ADGRB1: variants seen among roughly 807,000 people sequenced by gnomAD.
ADGRB1 encodes adhesion G protein-coupled receptor B1, also known as brain-specific angiogenesis inhibitor 1.
In ADGRB1, 36 loss-of-function variants were observed where a neutral mutation model predicts 175.7. The ratio of observed to expected loss-of-function variants is 0.20; its 90% CI spans 0.16 to 0.27. The LOEUF is 0.27. Ranked by LOEUF, ADGRB1 falls within the 10% of genes least tolerant of loss-of-function variation. ADGRB1 has a pLI of 1.00. For synonymous variants in ADGRB1, 1,054 were observed against 979.4 expected (o/e 1.08, Z -1.42); for missense variants, 1,731 against 2,255.3 (o/e 0.77, Z 4.71).
At position 142,544,292 on chromosome 8, in the gene ADGRB1, G is replaced by T; in HGVS notation, c.4630G>T (p.Val1544Leu). ...GAAAGCCCACGGGACGCCCACGTGGGTGAAGAAGGAGCTGGAGCCGCTGCA... is the reference window on the plus strand; with the variant it reads ...GAAAGCCCACGGGACGCCCACGTGGTTGAAGAAGGAGCTGGAGCCGCTGCA... ...LRKAHGTPTW[V>L]KKELEPLQPS... The change falls in exon 31 of 31, where the codon GTG becomes TTG. Residue 1544 changes from valine to leucine, a missense_variant. Physicochemically the swap from Val to Leu is conservative, Grantham distance 32. Around this residue, in one of 8 missense-constraint regions of ADGRB1, gnomAD observed 394 missense variants for 410.2 expected, o/e 0.96. Coordinates refer to ENST00000517894, the MANE Select transcript of ADGRB1 (RefSeq NM_001702.3). 6.5e-7 allele frequency: 1 copy of T among 1,549,416 alleles called. No homozygotes were observed. The highest frequency in any genetic ancestry group is 8.7e-7 in the Non-Finnish European group (1 of 1,146,606).
Position 142,464,089 on chromosome 8 carries a change from T to TCCCAGCCCCCACCCGGCCCG in ADGRB1, c.-107_-106insAGCCCCCACCCGGCCCGCCC. On this transcript the variant is annotated 5_prime_UTR_variant, in exon 2 of 31. Coordinates refer to ENST00000517894, the MANE Select transcript of ADGRB1 (RefSeq NM_001702.3). ...TCTCCCATCCCACCCTTGCCCCGCC[T>TCCCAGCCCCCACCCGGCCCG]CCCTGCCCCCACCGGGCCGGCCCTG... 3 of 210,054 alleles carry TCCCAGCCCCCACCCGGCCCG rather than the reference T, an allele frequency of 1.4e-5. No homozygotes were observed. Among genetic ancestry groups the TCCCAGCCCCCACCCGGCCCG allele is most frequent in the Non-Finnish European group, 1.6e-5 (2 of 121,478 alleles). The allele number at this position is 210,054 out of a possible 1,614,324, so 13.0% of individuals were successfully genotyped here. A position where few individuals can be genotyped will look rare whatever the true frequency, so the allele number is the denominator to read the frequency against.
intron 16 of ADGRB1, 51 bp downstream of exon 16, chr8:142,489,489 C>G (rs73714307): frequency 1.9e-6 from 3 of 1,568,892 alleles, no homozygotes; most frequent in Non-Finnish European, 2.6e-6. Flanking sequence ...CGCGTGTGCG[C>G]GAATTCTGTC....
intron 17 of ADGRB1, among the ~76,000 whole-genome samples, chr8:142,498,652 A>G (rs1398417571): frequency 6.6e-6 from 1 of 152,086 alleles, no homozygotes; most frequent in Non-Finnish European, 1.5e-5. Context: ...CTCCCAGTCC[A>G]GGGAGCTTCC....
intron 27 of ADGRB1, 141 bp from the exon 28 acceptor site, chr8:142,541,800 G>A (rs935594117): frequency 1.6e-5 from 14 of 897,238 alleles, no homozygotes; most frequent in Admixed American, 2.8e-5. Context: ...CCCTCCGATC[G>A]GTACCCAGCA....
intron 1 of ADGRB1, among the ~76,000 whole-genome samples, chr8:142,460,312 G>T (rs1051151986): frequency 6.6e-6 from 1 of 152,232 alleles, no homozygotes; most frequent in Non-Finnish European, 1.5e-5. Context: ...AGGCTCAGGG[G>T]CCATCAGCCA....
Position 142,489,109 on chromosome 8 carries a change from A to G in ADGRB1, c.2527A>G (p.Arg843Gly). ...CCTGGGCAGCTTCCTGGCCCTGCAGAGGTGGGGAGCCCTGGGCAGGTGGGG... is the reference window on the plus strand; with the variant it reads ...CCTGGGCAGCTTCCTGGCCCTGCAGGGGTGGGGAGCCCTGGGCAGGTGGGG... ...RNLGSFLALQ[R>G]NTTVLNSKVI... The change falls in exon 15 of 31, where the codon AGG becomes GGG. Residue 843 changes from arginine (R) to glycine (G), a missense_variant and splice_region_variant. Coordinates refer to ENST00000517894, the MANE Select transcript of ADGRB1 (RefSeq NM_001702.3). The G allele has an allele frequency of 6.3e-7, 1 of 1,597,976 alleles. No homozygotes were observed. The highest frequency in any genetic ancestry group is 8.5e-7 in the Non-Finnish European group (1 of 1,173,682).
chr8:142,476,549 G>T (rs1374452022), intron 3 of ADGRB1, 36 bp from the exon 4 acceptor site: 1 of 1,535,214 alleles, frequency 6.5e-7, no homozygotes, highest in Non-Finnish European at 8.8e-7. Flanking sequence ...CGGGGGCAAA[G>T]AACCGCTCCT....
At chr8:142,460,638 CCCCA>C (rs1839923620) in intron 1 of ADGRB1, among the ~76,000 whole-genome samples, 1 of 152,196 alleles carries the variant, frequency 6.6e-6, no homozygotes, top group Non-Finnish European at 1.5e-5. Flanking sequence ...CATCTCCTGG[CCCCA>C]AGACAGTCTG....
In ADGRB1 at chr8:142,479,805, G is replaced by A; in HGVS notation, c.1828+11G>A. On this transcript the variant is annotated intron_variant, in intron 9 of 30. Coordinates refer to ENST00000517894, the MANE Select transcript of ADGRB1 (RefSeq NM_001702.3). ...CCCGCAACGCCACAGGTGAGGGCTGGAGAGCACGTGGTGTATGGGGGCTCC... is the reference window on the plus strand; with the variant it reads ...CCCGCAACGCCACAGGTGAGGGCTGAAGAGCACGTGGTGTATGGGGGCTCC... 6.2e-7 allele frequency: 1 copy of A among 1,607,548 alleles called. No homozygotes were observed. Among genetic ancestry groups the A allele is most frequent in the Non-Finnish European group, 8.5e-7 (1 of 1,176,680 alleles).
intron 1 of ADGRB1, among the ~76,000 whole-genome samples, chr8:142,451,751 A>G (rs1166972286): frequency 1.3e-5 from 2 of 151,910 alleles, no homozygotes; most frequent in African/African-American, 2.4e-5. Context: ...TCCCTTTTCT[A>G]TCTGGGAGGG....
At position 142,479,469 on chromosome 8, in the gene ADGRB1, G is replaced by A. The variant is rs372598777; in HGVS notation, c.1708G>A (p.Gly570Ser). ...CCCCCAGGATGAGTACCGGCAGTGC[G>A]GCACCCAGCGGTGTCCCGGTGAGGC... ...QGPQDEYRQC[G>S]TQRCPEPHEI... The change falls in exon 8 of 31, where the codon GGC becomes AGC. Residue 570 changes from glycine to serine, a missense_variant. By Grantham distance (56) the Gly-to-Ser change is moderately conservative (BLOSUM62 0). Transcript: ENST00000517894. 3.7e-5 allele frequency: 58 copies of A among 1,551,468 alleles called. No homozygotes were observed. Among genetic ancestry groups the A allele is most frequent in the East Asian group, 1.2e-4 (5 of 43,030 alleles).
chr8:142,531,711 C>T (rs1016234486), intron 24 of ADGRB1, among the ~76,000 whole-genome samples: 59 of 152,172 alleles, frequency 3.9e-4, no homozygotes, highest in African/African-American at 1.4e-3. Flanking sequence ...GTGTCCTAGC[C>T]ATGGGTATGT....
intron 2 of ADGRB1, among the ~76,000 whole-genome samples, chr8:142,471,596 T>A (rs1439016988): frequency 3.3e-5 from 5 of 152,242 alleles, no homozygotes; most frequent in Non-Finnish European, 7.4e-5. Context: ...GGACAGTACC[T>A]GCTAGCAGGG....
rs977070647 is a variant in ADGRB1, at chr8:142,464,931, G to A, written c.733G>A (p.Glu245Lys). ...GAGAGATGCGGTGGCTGGTGGCCCT[G>A]AAAACTGCCTCACCAGCCTGACCCA... Reference protein sequence around the residue: ...CLRDAVAGGPENCLTSLTQDR... With the variant: ...CLRDAVAGGPKNCLTSLTQDR... Residue 245 changes from glutamate (E) to lysine (K), a missense_variant, in exon 2 of 31, where the codon GAA becomes AAA. Coordinates refer to ENST00000517894, the MANE Select transcript of ADGRB1 (RefSeq NM_001702.3). The A allele has an allele frequency of 7.8e-6, 12 of 1,529,742 alleles. No homozygotes were observed. The Admixed American group carries it at 2.2e-4, about 28-fold the overall frequency. 94.8% of individuals were successfully genotyped at this position (1,529,742 alleles called of 1,614,324 possible).
chr8:142,523,194 T>G (rs1347225733), intron 22 of ADGRB1, among the ~76,000 whole-genome samples: 1 of 152,198 alleles, frequency 6.6e-6, no homozygotes, highest in Non-Finnish European at 1.5e-5. Flanking sequence ...GACCAGGTCC[T>G]TGGGGCCTTA....
At chr8:142,526,893 G>C (rs1403131349) in intron 24 of ADGRB1, among the ~76,000 whole-genome samples, 1 of 152,198 alleles carries the variant, frequency 6.6e-6, no homozygotes, top group African/African-American at 2.4e-5. Context: ...ATTGTGCAGG[G>C]ACACCCCGCC....
chr8:142,531,466 C>T (rs1257708428), intron 24 of ADGRB1, among the ~76,000 whole-genome samples: 1 of 152,206 alleles, frequency 6.6e-6, no homozygotes, highest in Non-Finnish European at 1.5e-5. Context: ...GCACAGGGAG[C>T]AGGGGCAGGC....
chr8:142,476,721 G>A, intron 4 of ADGRB1, 26 bp downstream of exon 4: 15 of 1,531,230 alleles, frequency 9.8e-6, no homozygotes, highest in Non-Finnish European at 1.2e-5. Context: ...GGGGGTGGGT[G>A]GGACTAGGGC....
At chr8:142,533,186 C>T (rs543266194) in intron 24 of ADGRB1, 109 bp from the exon 25 acceptor site, 15 of 1,228,230 alleles carry the variant, frequency 1.2e-5, no homozygotes, top group South Asian at 4.9e-5. Flanking sequence ...GAGACAGAGA[C>T]GGGGACTTAG....
Sources: allele counts gnomAD v4.1 joint callset (sites outside exome capture counted in the v4.1 genomes callset), GRCh38; gene constraint gnomAD v4.1.1; regional missense constraint gnomAD v4.1.1; transcripts MANE v1.5; gene names NCBI Gene and HGNC (gene_info 2026-07-23, HGNC 2026-07-21).